The following HS3ST4 variants were observed in gnomAD, a reference collection of about 807,000 sequenced individuals.
HS3ST4 encodes heparan sulfate-glucosamine 3-sulfotransferase 4.
HS3ST4 carries 17 observed loss-of-function variants against 29.2 expected under a neutral mutation model. That is an observed-to-expected ratio of 0.58 (90% confidence interval 0.40 to 0.87). The LOEUF (loss-of-function observed/expected upper bound fraction) is 0.87, where lower values mean the gene tolerates loss of function less well. Among genes scored for constraint, HS3ST4 ranks in the 40% least tolerant of loss-of-function variants. The pLI is 0.00. For synonymous variants in HS3ST4, 314 were observed against 285.7 expected (o/e 1.10, Z -1.00); for missense variants, 627 against 634.5 (o/e 0.99, Z 0.13).
chr16:25,949,706 C>A (rs939210612), intron 1 of HS3ST4, among the ~76,000 whole-genome samples: 1 of 152,160 alleles, frequency 6.6e-6, no homozygotes, highest in Non-Finnish European at 1.5e-5. Flanking sequence ...AAGGGGGATT[C>A]TGGCTAAATG....
At chr16:25,964,380 A>G (rs1301904057) in intron 1 of HS3ST4, among the ~76,000 whole-genome samples, 1 of 152,088 alleles carries the variant, frequency 6.6e-6, no homozygotes, top group Non-Finnish European at 1.5e-5. Context: ...TGAAATATAA[A>G]TATATAGATA....
At chr16:25,969,928 C>T (rs1968879858) in intron 1 of HS3ST4, among the ~76,000 whole-genome samples, 1 of 152,190 alleles carries the variant, frequency 6.6e-6, no homozygotes, top group Non-Finnish European at 1.5e-5. Flanking sequence ...GGGGCTTTCC[C>T]AGGTACAAAG....
chr16:25,720,721 T>C (rs1453328638), intron 1 of HS3ST4, among the ~76,000 whole-genome samples: 1 of 152,182 alleles, frequency 6.6e-6, no homozygotes, highest in East Asian at 1.9e-4. Flanking sequence ...TATGTCTGGG[T>C]TACTGGACAA....
intron 1 of HS3ST4, among the ~76,000 whole-genome samples, chr16:25,855,508 A>G (rs1967566397): frequency 6.6e-6 from 1 of 152,162 alleles, no homozygotes; most frequent in Non-Finnish European, 1.5e-5. Context: ...AGAGTTTGCT[A>G]TCTGTTATGT....
At chr16:25,744,205 A>G (rs1475432635) in intron 1 of HS3ST4, among the ~76,000 whole-genome samples, 2 of 152,238 alleles carry the variant, frequency 1.3e-5, no homozygotes, top group African/African-American at 4.8e-5. Context: ...CTGCAATACA[A>G]GGTTGACTAA....
At chr16:25,781,906 C>A (rs553371942) in intron 1 of HS3ST4, among the ~76,000 whole-genome samples, 2 of 152,272 alleles carry the variant, frequency 1.3e-5, no homozygotes, top group Admixed American at 1.3e-4. Flanking sequence ...CTCCAAAAAA[C>A]CTTACTGTAC....
chr16:25,940,823 A>G (rs925964449), intron 1 of HS3ST4, among the ~76,000 whole-genome samples: 6 of 152,206 alleles, frequency 3.9e-5, no homozygotes, highest in African/African-American at 1.2e-4. Context: ...TCACTGCCCA[A>G]GTGATGTGTT....
intron 1 of HS3ST4, among the ~76,000 whole-genome samples, chr16:25,697,896 C>T (rs563434804): frequency 1.3e-3 from 200 of 152,158 alleles, no homozygotes; most frequent in Non-Finnish European, 2.1e-3. Context: ...TGGTCTCGAT[C>T]GCTTGACTTT....
At chr16:25,863,009 C>T (rs761536882) in intron 1 of HS3ST4, among the ~76,000 whole-genome samples, 2 of 152,098 alleles carry the variant, frequency 1.3e-5, no homozygotes, top group African/African-American at 4.8e-5. Context: ...TTTGCATTTC[C>T]CTCATTAGTA....
At position 26,062,394 on chromosome 16, in the gene HS3ST4, A is replaced by G. The variant is rs575489693; in HGVS notation, c.735-73218A>G. ...ATTGGGGCACATTAAGCTTTAATCA[A>G]TGGGATTCTTGCCTGTTCTTCTCAT... On this transcript the variant is annotated intron_variant, in intron 1 of 1. Transcript: ENST00000331351. 1.2e-4 allele frequency among the ~76,000 whole-genome samples: 18 copies of G among 152,324 alleles called. No homozygotes were observed. In the East Asian group the frequency reaches 1.5e-3, roughly 13 times the overall value.
In HS3ST4 at chr16:26,053,428, G is replaced by A. The variant is rs565870050; in HGVS notation, c.735-82184G>A. Among the ~76,000 whole-genome samples, 128 of 152,266 alleles carry A rather than the reference G, an allele frequency of 8.4e-4. 1 individual carries two copies. The highest frequency in any genetic ancestry group is 2.9e-3 in the African/African-American group (121 of 41,548). ...ATACAGCAACTTCCAGAAGATTTAA[G>A]CAATAAGATCTGAGGAAAAAAGCAG... is the stretch of plus-strand genomic sequence containing the variant. On this transcript the variant is annotated intron_variant, in intron 1 of 1. Transcript: ENST00000331351.
At chr16:25,796,152 T>C (rs1966884836) in intron 1 of HS3ST4, among the ~76,000 whole-genome samples, 1 of 152,144 alleles carries the variant, frequency 6.6e-6, no homozygotes, top group Admixed American at 6.5e-5. Flanking sequence ...TGCAATTGCC[T>C]ATCTCTTTAC....
intron 1 of HS3ST4, among the ~76,000 whole-genome samples, chr16:25,996,997 T>A (rs894956187): frequency 6.6e-6 from 1 of 152,222 alleles, no homozygotes; most frequent in Non-Finnish European, 1.5e-5. Flanking sequence ...GCTTTTATCA[T>A]GTTTATGAAT....
intron 1 of HS3ST4, among the ~76,000 whole-genome samples, chr16:26,129,642 T>C (rs376436288): frequency 6.6e-6 from 1 of 152,308 alleles, no homozygotes; most frequent in Admixed American, 6.5e-5. Context: ...TGATGCCTGG[T>C]TTTCAAATAA....
chr16:25,897,735 G>A (rs1968082931), intron 1 of HS3ST4, among the ~76,000 whole-genome samples: 1 of 152,054 alleles, frequency 6.6e-6, no homozygotes, highest in Admixed American at 6.6e-5. Context: ...TCTGCCTGGG[G>A]GAGGTGCTGG....
intron 1 of HS3ST4, among the ~76,000 whole-genome samples, chr16:26,051,735 C>T (rs991169084): frequency 1.3e-5 from 2 of 151,678 alleles, no homozygotes; most frequent in African/African-American, 4.8e-5. Flanking sequence ...TTGCCTCCCT[C>T]TCTGTTTTCT....
At chr16:26,082,996 T>C (rs1302468343) in intron 1 of HS3ST4, among the ~76,000 whole-genome samples, 1 of 152,250 alleles carries the variant, frequency 6.6e-6, no homozygotes, top group Non-Finnish European at 1.5e-5. Context: ...TAAGCATTTA[T>C]GCAGTGCCAA....
At chr16:25,776,540 T>A (rs1966847669) in intron 1 of HS3ST4, among the ~76,000 whole-genome samples, 1 of 152,204 alleles carries the variant, frequency 6.6e-6, no homozygotes, top group Non-Finnish European at 1.5e-5. Flanking sequence ...TCTGACCATC[T>A]TGGGCAAATG....
chr16:26,114,971 A>G (rs1040505110), intron 1 of HS3ST4, among the ~76,000 whole-genome samples: 4 of 152,134 alleles, frequency 2.6e-5, no homozygotes, highest in Non-Finnish European at 5.9e-5. Context: ...TCGGAAACTA[A>G]AGGACTCTCT....
Sources: allele counts gnomAD v4.1 joint callset (sites outside exome capture counted in the v4.1 genomes callset), GRCh38; gene constraint gnomAD v4.1.1; transcripts MANE v1.5; gene names NCBI Gene and HGNC (gene_info 2026-07-23, HGNC 2026-07-21).